Variants in KIF5C observed in about 807,000 individuals in gnomAD.
The protein encoded by KIF5C is kinesin family member 5C, also known as kinesin heavy chain isoform 5C.
In KIF5C, 18 loss-of-function variants were observed where a neutral mutation model predicts 125.2. The observed-to-expected ratio is 0.14, with a 90% confidence interval of 0.10 to 0.21. The LOEUF (loss-of-function observed/expected upper bound fraction) is 0.21. KIF5C is among the 10% of genes least tolerant of loss of function. The pLI, the probability that KIF5C is intolerant of heterozygous loss-of-function variation, is 1.00. For synonymous variants in KIF5C, 405 were observed against 434.0 expected (o/e 0.93, Z 0.83); for missense variants, 780 against 1,183.8 (o/e 0.66, Z 5.01).
At position 148,889,687 on chromosome 2, in the gene KIF5C, A is replaced by G. The variant is rs534912566; in HGVS notation, c.126+13944A>G. On this transcript the variant is annotated intron_variant, in intron 1 of 25. Transcript: ENST00000435030. ...GTTTGACTGCTTCTGGTAGGAATCCATCCTTCTTCTGGGAGGTGTGGTGAC... is the reference window on the plus strand; with the variant it reads ...GTTTGACTGCTTCTGGTAGGAATCCGTCCTTCTTCTGGGAGGTGTGGTGAC... 4.9e-4 allele frequency among the ~76,000 whole-genome samples: 75 copies of G among 152,256 alleles called. No homozygotes were observed. The Middle Eastern group carries it at 0.014, about 28-fold the overall frequency.
In KIF5C at chr2:148,942,743, G is replaced by A. The variant is rs1247797125; in HGVS notation, c.572G>A (p.Arg191Gln). The A allele has an allele frequency of 1.9e-6, 3 of 1,610,180 alleles. No individual in the cohort carries two copies. The highest frequency in any genetic ancestry group is 1.3e-5 in the African/African-American group (1 of 75,014). The change falls in exon 7 of 26, where the codon CGA (arginine) becomes CAA (glutamine). Residue 191 changes from arginine to glutamine, a missense_variant. This residue lies in a region of KIF5C where 207 missense variants were observed against 441.2 expected (regional missense o/e 0.47). Coordinates refer to ENST00000435030, the MANE Select transcript of KIF5C (RefSeq NM_004522.3). ...GTAATAGATGAAGGCAAAGCAAACC[G>A]ACACGTGGCTGTGACAAGTAAGCAT... ...MDVIDEGKAN[R>Q]HVAVTNMNEH... is the part of the protein sequence containing the mutation.
chr2:148,954,351 T>C (rs1000411760), intron 10 of KIF5C, among the ~76,000 whole-genome samples: 1 of 152,206 alleles, frequency 6.6e-6, no homozygotes, highest in African/African-American at 2.4e-5. Context: ...TAGAGCACTT[T>C]TATTGATTCT....
intron 1 of KIF5C, among the ~76,000 whole-genome samples, chr2:148,901,968 T>G (rs548297315): frequency 2.6e-4 from 40 of 152,284 alleles, no homozygotes; most frequent in Admixed American, 2.6e-3. Flanking sequence ...TTTTTAAAGA[T>G]TTTTGACTTG....
intron 24 of KIF5C, among the ~76,000 whole-genome samples, 162 bp downstream of exon 24, chr2:149,010,513 G>GTGGGAA (rs1335783453): frequency 2.0e-5 from 3 of 152,268 alleles, no homozygotes. Context: ...TGCTCACCCT[G>GTGGGAA]TGGGAATGGG....
intron 1 of KIF5C, 131 bp downstream of exon 1, chr2:148,875,874 C>G: frequency 7.8e-7 from 1 of 1,290,050 alleles, no homozygotes. Flanking sequence ...TCGGGTGGAC[C>G]TGACCAGAGA....
intron 1 of KIF5C, among the ~76,000 whole-genome samples, chr2:148,899,836 G>A (rs768381400): frequency 3.3e-5 from 5 of 152,014 alleles, no homozygotes; most frequent in Non-Finnish European, 5.9e-5. Context: ...ATTCCATGAG[G>A]TTGGGCTTTC....
intron 4 of KIF5C, among the ~76,000 whole-genome samples, chr2:148,939,699 G>A (rs1261368008): frequency 1.3e-5 from 2 of 152,170 alleles, no homozygotes; most frequent in African/African-American, 4.8e-5. Context: ...GGGCAAATTA[G>A]TTGCTGACTA....
intron 9 of KIF5C, 36 bp downstream of exon 9, chr2:148,949,979 A>G: frequency 6.3e-7 from 1 of 1,593,022 alleles, no homozygotes; most frequent in Non-Finnish European, 8.6e-7. Flanking sequence ...AAGTAATATT[A>G]TGAGAAACCA....
intron 10 of KIF5C, among the ~76,000 whole-genome samples, chr2:148,956,940 G>A (rs183863383): frequency 1.3e-5 from 2 of 152,352 alleles, no homozygotes; most frequent in East Asian, 1.9e-4. Flanking sequence ...AAGAGGATGA[G>A]TGAGCAGTCA....
intron 1 of KIF5C, among the ~76,000 whole-genome samples, chr2:148,887,908 C>T (rs567393421): frequency 2.6e-5 from 4 of 152,116 alleles, no homozygotes; most frequent in Admixed American, 2.0e-4. Context: ...AGGAAAGATG[C>T]GAAAAAGAAT....
intron 16 of KIF5C, among the ~76,000 whole-genome samples, chr2:148,993,752 A>G (rs1438670556): frequency 6.6e-6 from 1 of 152,234 alleles, no homozygotes; most frequent in Non-Finnish European, 1.5e-5. Flanking sequence ...TCAGCCAACA[A>G]GCTCTCATTC....
At chr2:149,014,602 T>C (rs779743666) in intron 25 of KIF5C, among the ~76,000 whole-genome samples, 1 of 152,160 alleles carries the variant, frequency 6.6e-6, no homozygotes, top group Non-Finnish European at 1.5e-5. Context: ...TCCTCATATA[T>C]GAAATGGGGA....
At chr2:148,988,899 A>G (rs1244376628) in intron 15 of KIF5C, among the ~76,000 whole-genome samples, 2 of 152,250 alleles carry the variant, frequency 1.3e-5, no homozygotes, top group African/African-American at 2.4e-5. Flanking sequence ...TGCTGTTGAC[A>G]TACATTCTGC....
chr2:148,996,004 A>G (rs1158137252), intron 17 of KIF5C, among the ~76,000 whole-genome samples: 1 of 152,134 alleles, frequency 6.6e-6, no homozygotes, highest in Non-Finnish European at 1.5e-5. Context: ...AAAATACAAA[A>G]ATTAGCAGGG....
At chr2:148,914,523 A>G (rs1480961232) in intron 1 of KIF5C, among the ~76,000 whole-genome samples, 1 of 152,230 alleles carries the variant, frequency 6.6e-6, no homozygotes, top group African/African-American at 2.4e-5. Flanking sequence ...GGCAGAAAGG[A>G]AAGAATTCTA....
chr2:148,910,920 C>A (rs936046375), intron 1 of KIF5C, among the ~76,000 whole-genome samples: 2 of 152,164 alleles, frequency 1.3e-5, no homozygotes, highest in Non-Finnish European at 2.9e-5. Context: ...TGGTGAGGGA[C>A]AACTGTGGGA....
At chr2:148,882,880 G>C (rs1353978615) in intron 1 of KIF5C, among the ~76,000 whole-genome samples, 1 of 152,160 alleles carries the variant, frequency 6.6e-6, no homozygotes, top group Non-Finnish European at 1.5e-5. Flanking sequence ...AAAACCTTGA[G>C]GGCAGGAAAT....
chr2:148,991,307 T>G (rs1300197487), intron 16 of KIF5C, 109 bp downstream of exon 16: 2 of 1,443,392 alleles, frequency 1.4e-6, no homozygotes, highest in African/African-American at 2.9e-5. Context: ...AGGGACTGCT[T>G]TGTGTAAGCT....
intron 6 of KIF5C, 45 bp from the exon 7 acceptor site, chr2:148,942,628 C>T (rs1256593967): frequency 6.4e-7 from 1 of 1,573,374 alleles, no homozygotes; most frequent in Admixed American, 1.9e-5. Flanking sequence ...AATATTGTTG[C>T]TTTTCAACTC....
Sources: allele counts gnomAD v4.1 joint callset (sites outside exome capture counted in the v4.1 genomes callset), GRCh38; gene constraint gnomAD v4.1.1; regional missense constraint gnomAD v4.1.1; transcripts MANE v1.5; gene names NCBI Gene and HGNC (gene_info 2026-07-23, HGNC 2026-07-21).